PSIP1: variants seen among roughly 807,000 people sequenced by gnomAD.
The protein encoded by PSIP1 is PC4 and SRSF1 interacting protein 1.
PSIP1 carries 19 observed loss-of-function variants against 74.7 expected under a neutral mutation model. That is an observed-to-expected ratio of 0.25 (90% confidence interval 0.18 to 0.37). The LOEUF is 0.37. PSIP1 is among the 10% of genes least tolerant of loss of function. PSIP1 has a pLI of 1.00. For synonymous variants in PSIP1, 222 were observed against 195.3 expected, an observed-to-expected ratio of 1.14 and a Z score of -1.14; for missense variants, 601 against 614.3, an observed-to-expected ratio of 0.98 and a Z score of 0.23.
intron 12 of PSIP1, 52 bp from the exon 13 acceptor site, chr9:15,469,110 C>G (rs757447897): frequency 5.9e-6 from 9 of 1,518,844 alleles, no homozygotes; most frequent in Non-Finnish European, 8.1e-6. Context: ...AACACTTAAA[C>G]AATCTGTTTC....
intron 5 of PSIP1, 112 bp from the exon 6 acceptor site, chr9:15,486,180 G>T: frequency 1.2e-6 from 1 of 857,950 alleles, no homozygotes; most frequent in South Asian, 1.7e-5. Flanking sequence ...GGGGAAATCT[G>T]TTTTGCTCTG....
At chr9:15,508,781 C>A (rs540596423) in intron 2 of PSIP1, among the ~76,000 whole-genome samples, 1 of 152,030 alleles carries the variant, frequency 6.6e-6, no homozygotes, top group Non-Finnish European at 1.5e-5. Flanking sequence ...TAAACAAATT[C>A]CATTTAAGGT....
At chr9:15,469,205 G>T in intron 12 of PSIP1, 61 bp downstream of exon 12, 2 of 1,333,022 alleles carry the variant, frequency 1.5e-6, no homozygotes, top group African/African-American at 1.5e-5. Flanking sequence ...GATCATGTGA[G>T]AAAATAAAAG....
At chr9:15,498,834 T>C (rs12002581) in intron 3 of PSIP1, among the ~76,000 whole-genome samples, 1,524 of 152,236 alleles carry the variant, frequency 0.01, 20 homozygotes, top group African/African-American at 0.035. Flanking sequence ...ATGCTTAACA[T>C]GCACACAAAA....
intron 6 of PSIP1, among the ~76,000 whole-genome samples, chr9:15,482,801 C>T (rs531057293): frequency 1.3e-5 from 2 of 152,318 alleles, no homozygotes; most frequent in East Asian, 1.9e-4. Flanking sequence ...TTAAAAAGCA[C>T]AGTGTAACTT....
Position 15,466,784 on chromosome 9 carries a change from T to A in PSIP1, c.1496A>T (p.Asp499Val). The A allele has an allele frequency of 6.2e-7, 1 of 1,613,564 alleles. No homozygotes were observed. Among genetic ancestry groups the A allele is most frequent in the Non-Finnish European group, 8.5e-7 (1 of 1,179,818 alleles). Residue 499 changes from aspartate to valine, a missense_variant, in exon 15 of 16, where the codon GAC (aspartate) becomes GTC (valine). Physicochemically the swap from Asp to Val is radical, Grantham distance 152 (BLOSUM62 -3). Around this residue, in one of 2 missense-constraint regions of PSIP1, gnomAD observed 538 missense variants for 507.6 expected, o/e 1.06. Transcript: ENST00000380733. ...QPQHNGESNE[D>V]SKDNHEASTK... ...GCTGGCTTCATGGTTGTCTTTGCTG[T>A]CTTCATTGCTCTCCCCGTTATGTTG...
chr9:15,480,921 A>AAAAAC (rs1188135357), intron 6 of PSIP1, among the ~76,000 whole-genome samples: 3 of 152,342 alleles, frequency 2.0e-5, no homozygotes, highest in East Asian at 3.9e-4. Flanking sequence ...ACTGTCTCAA[A>AAAAAC]AAAACAAAAC....
intron 2 of PSIP1, among the ~76,000 whole-genome samples, chr9:15,508,065 T>C (rs1302860903): frequency 1.3e-5 from 2 of 152,234 alleles, no homozygotes; most frequent in Admixed American, 6.5e-5. Flanking sequence ...ACCTAGCACC[T>C]ATAGCCTTTA....
At chr9:15,481,597 T>C (rs1305509328) in intron 6 of PSIP1, among the ~76,000 whole-genome samples, 2 of 152,038 alleles carry the variant, frequency 1.3e-5, no homozygotes, top group African/African-American at 4.8e-5. Context: ...GGCAGGAGAA[T>C]CACTTGAACC....
intron 3 of PSIP1, among the ~76,000 whole-genome samples, chr9:15,496,373 A>G (rs2037075907): frequency 6.6e-6 from 1 of 152,208 alleles, no homozygotes; most frequent in African/African-American, 2.4e-5. Context: ...CAGTATTGCC[A>G]TTCCTGCTTT....
chr9:15,485,204 C>CGGAAA (rs2036508406), intron 6 of PSIP1, among the ~76,000 whole-genome samples: 1 of 152,040 alleles, frequency 6.6e-6, no homozygotes, highest in African/African-American at 2.4e-5. Context: ...TACCCATTTC[C>CGGAAA]CTCAGACTTT....
intron 3 of PSIP1, among the ~76,000 whole-genome samples, chr9:15,496,007 G>A (rs866014784): frequency 3.9e-5 from 6 of 152,140 alleles, no homozygotes; most frequent in African/African-American, 1.2e-4. Flanking sequence ...TTGGTAAACT[G>A]TCACATGGGG....
chr9:15,475,215 C>G (rs1286562180), intron 8 of PSIP1, among the ~76,000 whole-genome samples: 1 of 152,052 alleles, frequency 6.6e-6, no homozygotes, highest in Admixed American at 6.6e-5. Flanking sequence ...TCTAATGGTC[C>G]TATGGTTTTT....
intron 6 of PSIP1, among the ~76,000 whole-genome samples, chr9:15,480,752 T>A (rs2036300854): frequency 6.6e-6 from 1 of 152,116 alleles, no homozygotes; most frequent in African/African-American, 2.4e-5. Flanking sequence ...TGAAACCCTT[T>A]CTCTACTAAA....
At chr9:15,487,076 A>C in intron 4 of PSIP1, 145 bp from the exon 5 acceptor site, 6 of 485,428 alleles carry the variant, frequency 1.2e-5, no homozygotes, top group Non-Finnish European at 2.1e-5. Flanking sequence ...TGGTTCACTG[A>C]AGCCTCAATT....
At chr9:15,510,371 A>T (rs1586879508) in intron 1 of PSIP1, 42 bp from the exon 2 acceptor site, 20 of 32,432 alleles carry the variant, frequency 6.2e-4, no homozygotes, top group Admixed American at 8.2e-4. Context: ...AGAACCCCGA[A>T]GGGAGGGGCC....
intron 3 of PSIP1, among the ~76,000 whole-genome samples, chr9:15,492,749 G>A (rs540045654): frequency 6.6e-6 from 1 of 152,292 alleles, no homozygotes; most frequent in Admixed American, 6.5e-5. Context: ...TGAAATCTAG[G>A]CAGAGTTTCC....
intron 8 of PSIP1, among the ~76,000 whole-genome samples, chr9:15,478,108 C>CA (rs1445610765): frequency 1.5e-5 from 2 of 130,852 alleles, no homozygotes; most frequent in Admixed American, 1.7e-4. Context: ...GCCTGGGCGA[C>CA]AGAGTGAAAC....
chr9:15,477,075 C>A (rs2036120138), intron 8 of PSIP1, among the ~76,000 whole-genome samples: 1 of 152,186 alleles, frequency 6.6e-6, no homozygotes, highest in Non-Finnish European at 1.5e-5. Flanking sequence ...ATATCCAAAA[C>A]AGAGGGATCT....
Sources: gnomAD v4.1 joint callset for allele counts (sites outside exome capture counted in the v4.1 genomes callset) on GRCh38, gnomAD v4.1.1 for gene constraint, gnomAD v4.1.1 regional missense constraint, MANE v1.5 for transcripts, NCBI Gene and HGNC (gene_info 2026-07-23, HGNC 2026-07-21) for gene names.